The following ZZZ3 variants were observed in gnomAD, a reference collection of about 807,000 sequenced individuals.
The protein encoded by ZZZ3 is ZZ-type zinc finger-containing protein 3.
A neutral mutation model predicts 95.2 loss-of-function variants in ZZZ3; 22 were observed. The observed-to-expected ratio is 0.23, with a 90% CI of 0.17 to 0.33. The LOEUF is 0.33. Ranked by LOEUF, ZZZ3 falls within the 10% of genes least tolerant of loss-of-function variation. The probability of loss-of-function intolerance (pLI) is 1.00; values close to 1 mark genes in which losing one functional copy is unlikely to be tolerated. For synonymous variants in ZZZ3, 335 were observed against 358.9 expected (o/e 0.93, Z 0.75); for missense variants, 885 against 1,066.5 (o/e 0.83, Z 2.37).
intron 5 of ZZZ3, among the ~76,000 whole-genome samples, chr1:77,618,418 C>G (rs995961906): frequency 6.6e-6 from 1 of 151,850 alleles, no homozygotes; most frequent in Non-Finnish European, 1.5e-5. Context: ...ATGACAAGCA[C>G]AGTAGGAAGC....
chr1:77,679,984 C>G (rs949370065), intron 1 of ZZZ3, among the ~76,000 whole-genome samples: 4 of 152,178 alleles, frequency 2.6e-5, no homozygotes, highest in African/African-American at 9.7e-5. Context: ...ATCAGATGCA[C>G]GTGGACTATT....
chr1:77,658,744 G>T (rs1378442216), intron 1 of ZZZ3, among the ~76,000 whole-genome samples: 4 of 152,042 alleles, frequency 2.6e-5, no homozygotes, highest in Non-Finnish European at 5.9e-5. Context: ...CATTTAAGCT[G>T]CTTCTGATAT....
intron 1 of ZZZ3, among the ~76,000 whole-genome samples, chr1:77,671,206 A>G (rs72683677): frequency 0.03 from 4,605 of 152,262 alleles, 87 homozygotes; most frequent in Non-Finnish European, 0.044. Context: ...CTGTATATGC[A>G]CATGGTTTAC....
At chr1:77,565,920 T>G (rs1306648575) in intron 14 of ZZZ3, 136 bp from the exon 15 acceptor site, 2 of 1,136,734 alleles carry the variant, frequency 1.8e-6, no homozygotes, top group Non-Finnish European at 1.2e-6. Flanking sequence ...TTACTTGACA[T>G]GTGGTATGAT....
chr1:77,634,927 T>TA (rs1465192776), intron 4 of ZZZ3, among the ~76,000 whole-genome samples: 1 of 152,152 alleles, frequency 6.6e-6, no homozygotes, highest in Non-Finnish European at 1.5e-5. Flanking sequence ...GATGATTAGT[T>TA]AGAGAAAGAG....
rs1202039782 is a variant in ZZZ3, at chr1:77,632,924, A to C, written c.431T>G (p.Val144Gly). Residue 144 changes from valine to glycine, a missense_variant, in exon 5 of 15, where the codon GTA becomes GGA. Around this residue, in one of 5 missense-constraint regions of ZZZ3, gnomAD observed 556 missense variants for 652.9 expected, o/e 0.85. Transcript: ENST00000370801. ...GTCCACTACTGTACTCCTCTGTTCT[A>C]CTGACTCCTTGTCTGATTTTATAGG... Reference protein sequence around the residue: ...DSPIKSDKESVEQRSTVVDND... With the variant: ...DSPIKSDKESGEQRSTVVDND... 2.5e-6 allele frequency: 4 copies of C among 1,614,108 alleles called. No individual in the cohort carries two copies. The highest frequency in any genetic ancestry group is 2.5e-6 in the Non-Finnish European group (3 of 1,180,026).
At chr1:77,651,014 A>T (rs1423121136) in intron 1 of ZZZ3, among the ~76,000 whole-genome samples, 2 of 152,194 alleles carry the variant, frequency 1.3e-5, no homozygotes, top group Non-Finnish European at 2.9e-5. Context: ...CAAAAGAATG[A>T]CATTGAACCC....
At chr1:77,599,290 T>C (rs547583139) in intron 5 of ZZZ3, among the ~76,000 whole-genome samples, 1 of 152,176 alleles carries the variant, frequency 6.6e-6, no homozygotes, top group African/African-American at 2.4e-5. Flanking sequence ...TTTACAATTC[T>C]ATTAATTTTA....
chr1:77,626,360 G>T (rs1667334931), intron 5 of ZZZ3, among the ~76,000 whole-genome samples: 1 of 152,096 alleles, frequency 6.6e-6, no homozygotes, highest in African/African-American at 2.4e-5. Context: ...AATATCTAAT[G>T]AAATAATTAT....
In ZZZ3 at chr1:77,564,271, T is replaced by C. The variant is rs917853942; in HGVS notation, c.*1369A>G. The stretch of plus-strand genomic sequence containing the variant: ...TGGTCCGTGTTTCCTTTTTGTAAGC[T>C]AGTTTAATTTAGTGTTTCAGCACAC... On this transcript the variant is annotated 3_prime_UTR_variant, in exon 15 of 15. Transcript: ENST00000370801. 2 of 152,164 alleles carry C rather than the reference T, an allele frequency of 1.3e-5. No individual in the cohort carries two copies. Among genetic ancestry groups the C allele is most frequent in the South Asian group, 2.1e-4 (1 of 4,832 alleles). 9.4% of individuals were successfully genotyped at this position (152,164 alleles called of 1,614,324 possible).
intron 5 of ZZZ3, among the ~76,000 whole-genome samples, chr1:77,623,873 C>T (rs934987119): frequency 5.3e-5 from 8 of 151,212 alleles, no homozygotes; most frequent in African/African-American, 2.0e-4. Context: ...CAGCTTTCCA[C>T]AGTAAAAGAA....
At chr1:77,608,278 T>A (rs1315626754) in intron 5 of ZZZ3, among the ~76,000 whole-genome samples, 1 of 152,030 alleles carries the variant, frequency 6.6e-6, no homozygotes, top group Admixed American at 6.6e-5. Flanking sequence ...AGAAACAAAT[T>A]ACAACATAGC....
At chr1:77,612,476 T>C (rs1227105986) in intron 5 of ZZZ3, among the ~76,000 whole-genome samples, 1 of 152,042 alleles carries the variant, frequency 6.6e-6, no homozygotes, top group Non-Finnish European at 1.5e-5. Context: ...GGCATAAAGA[T>C]ATCTGCACTA....
chr1:77,639,358 GA>G, intron 4 of ZZZ3, 90 bp downstream of exon 4: 1 of 1,092,102 alleles, frequency 9.2e-7, no homozygotes, highest in South Asian at 2.2e-5. Flanking sequence ...AGGATGTATG[GA>G]AAAATAACAA....
chr1:77,644,332 T>A (rs1669067797), intron 1 of ZZZ3, among the ~76,000 whole-genome samples: 1 of 152,230 alleles, frequency 6.6e-6, no homozygotes, highest in Admixed American at 6.5e-5. Context: ...CCCAAAGTGC[T>A]GGGATTACAG....
chr1:77,682,176 T>C (rs1241929779), intron 1 of ZZZ3, among the ~76,000 whole-genome samples: 1 of 151,214 alleles, frequency 6.6e-6, no homozygotes, highest in African/African-American at 2.4e-5. Context: ...CCAGAGAAAA[T>C]AGATGGGAGG....
At chr1:77,665,233 TACAG>T (rs1433389602) in intron 1 of ZZZ3, among the ~76,000 whole-genome samples, 11 of 152,302 alleles carry the variant, frequency 7.2e-5, no homozygotes, top group South Asian at 4.1e-4. Context: ...ACTGTTACCA[TACAG>T]ACAATTTTTA....
chr1:77,673,698 T>C (rs1310789613), intron 1 of ZZZ3, among the ~76,000 whole-genome samples: 2 of 151,836 alleles, frequency 1.3e-5, no homozygotes, highest in African/African-American at 4.8e-5. Context: ...TACCAGCCTA[T>C]TTGATTTTAT....
intron 13 of ZZZ3, among the ~76,000 whole-genome samples, chr1:77,567,678 C>G (rs1660958939): frequency 6.6e-6 from 1 of 152,170 alleles, no homozygotes; most frequent in African/African-American, 2.4e-5. Flanking sequence ...AGGGCAAGAA[C>G]TGAGTCTGTC....
Sources: gnomAD v4.1 joint callset for allele counts (sites outside exome capture counted in the v4.1 genomes callset) on GRCh38, gnomAD v4.1.1 for gene constraint, gnomAD v4.1.1 regional missense constraint, MANE v1.5 for transcripts, NCBI Gene and HGNC (gene_info 2026-07-23, HGNC 2026-07-21) for gene names.